The following MYLK variants were observed in gnomAD, a reference collection of about 807,000 sequenced individuals.
The protein encoded by MYLK is myosin light chain kinase, smooth muscle.
A neutral mutation model predicts 203.4 loss-of-function variants in MYLK; 106 were observed. The observed-to-expected ratio is 0.52, with a 90% CI of 0.45 to 0.61. The LOEUF is 0.61. Ranked by LOEUF, MYLK falls within the 20% of genes least tolerant of loss-of-function variation. MYLK has a pLI of 0.00. For missense variants in MYLK, 2,072 were observed against 2,442.3 expected (o/e 0.85, Z 3.20); for synonymous variants, 867 against 959.5 (o/e 0.90, Z 1.78).
At chr3:123,781,084 C>T (rs2064279765) in intron 4 of MYLK, among the ~76,000 whole-genome samples, 1 of 152,152 alleles carries the variant, frequency 6.6e-6, no homozygotes, top group African/African-American at 2.4e-5. Flanking sequence ...GAGGCAAATC[C>T]CGGGACCTGC....
At chr3:123,713,980 G>A (rs139456537) in intron 13 of MYLK, among the ~76,000 whole-genome samples, 1 of 152,114 alleles carries the variant, frequency 6.6e-6, no homozygotes, top group Admixed American at 6.6e-5. Flanking sequence ...AATGTTTTCT[G>A]ACTTTCCCAA....
At chr3:123,863,851 T>A (rs2032118599) in intron 2 of MYLK, among the ~76,000 whole-genome samples, 1 of 152,146 alleles carries the variant, frequency 6.6e-6, no homozygotes, top group Non-Finnish European at 1.5e-5. Context: ...CTCCTAGATA[T>A]TTACCCAAGA....
In MYLK at chr3:123,700,851, G is replaced by A. The variant is rs1466712472; in HGVS notation, c.2617C>T (p.Leu873=). The change falls in exon 18 of 34, where the codon CTG becomes TTG. Residue 873 remains leucine (L), a synonymous_variant. Coordinates refer to ENST00000360304, the MANE Select transcript of MYLK (RefSeq NM_053025.4). ...EEDGEDVRGV[L]KRRVETRQHT... is the part of the protein sequence containing the mutation. ...TGCCTCGTCTCCACGCGCCTCTTCAGCACCCCTCGCACGTCCTCGCCGTCT... is the reference window on the plus strand; with the variant it reads ...TGCCTCGTCTCCACGCGCCTCTTCAACACCCCTCGCACGTCCTCGCCGTCT... 6.2e-7 allele frequency: 1 copy of A among 1,613,788 alleles called. No homozygotes were observed. The highest frequency in any genetic ancestry group is 8.5e-7 in the Non-Finnish European group (1 of 1,180,028).
chr3:123,779,832 C>G (rs1188792488), intron 4 of MYLK, among the ~76,000 whole-genome samples: 1 of 152,164 alleles, frequency 6.6e-6, no homozygotes, highest in Non-Finnish European at 1.5e-5. Flanking sequence ...TGTGTGACAT[C>G]AGAACACACT....
intron 12 of MYLK, among the ~76,000 whole-genome samples, chr3:123,725,605 T>C (rs1375866462): frequency 6.6e-6 from 1 of 152,194 alleles, no homozygotes; most frequent in African/African-American, 2.4e-5. Context: ...AGTTTGGCCA[T>C]AAGAAAAGAA....
intron 20 of MYLK, among the ~76,000 whole-genome samples, chr3:123,672,373 C>T (rs191925504): frequency 6.6e-5 from 10 of 152,254 alleles, no homozygotes; most frequent in African/African-American, 2.4e-4. Context: ...CGATCTTGGA[C>T]TTCTAGCCTC....
chr3:123,824,493 G>T (rs1052720353), intron 3 of MYLK, among the ~76,000 whole-genome samples: 1 of 152,162 alleles, frequency 6.6e-6, no homozygotes. Context: ...CATTCAAAGA[G>T]CACTTGTTAA....
chr3:123,837,038 C>CA (rs922244363), intron 2 of MYLK, among the ~76,000 whole-genome samples: 14 of 152,062 alleles, frequency 9.2e-5, no homozygotes, highest in African/African-American at 2.7e-4. Context: ...GTTATAGTAA[C>CA]ATTTCTTTTT....
At chr3:123,684,861 C>A (rs186313445) in intron 19 of MYLK, among the ~76,000 whole-genome samples, 5 of 152,330 alleles carry the variant, frequency 3.3e-5, no homozygotes, top group Admixed American at 3.3e-4. Flanking sequence ...GAGTACAGGG[C>A]AGACTATGTA....
At chr3:123,630,246 G>C (rs1262708974) in intron 29 of MYLK, among the ~76,000 whole-genome samples, 1 of 152,218 alleles carries the variant, frequency 6.6e-6, no homozygotes, top group Non-Finnish European at 1.5e-5. Flanking sequence ...ACAGAGTGCA[G>C]CCTCTCCGCT....
chr3:123,858,673 A>G (rs972987865), intron 2 of MYLK, among the ~76,000 whole-genome samples: 1 of 152,024 alleles, frequency 6.6e-6, no homozygotes, highest in South Asian at 2.1e-4. Flanking sequence ...CTATTCATTA[A>G]CCTATTAATC....
chr3:123,620,601 A>G, intron 31 of MYLK: 1 of 1,261,964 alleles, frequency 7.9e-7, no homozygotes, highest in East Asian at 3.7e-5. Flanking sequence ...TCAACATGAG[A>G]CAAAAACCCT....
At chr3:123,655,382 T>C (rs2108260785) in intron 24 of MYLK, among the ~76,000 whole-genome samples, 1 of 152,298 alleles carries the variant, frequency 6.6e-6, no homozygotes, top group South Asian at 2.1e-4. Context: ...TGGTATTGAC[T>C]TTCTCTACCA....
chr3:123,649,303 G>T, intron 24 of MYLK, 109 bp from the exon 25 acceptor site: 1 of 1,419,086 alleles, frequency 7.0e-7, no homozygotes, highest in Non-Finnish European at 9.8e-7. Context: ...TCCCCAGGCA[G>T]ACGACTACCA....
chr3:123,754,515 C>A (rs2063303028), intron 4 of MYLK, among the ~76,000 whole-genome samples: 1 of 152,180 alleles, frequency 6.6e-6, no homozygotes, highest in African/African-American at 2.4e-5. Context: ...TCCCCAAAAG[C>A]CATGTGAACA....
intron 19 of MYLK, 136 bp from the exon 20 acceptor site, chr3:123,682,446 C>T (rs1289017252): frequency 8.2e-6 from 6 of 731,980 alleles, no homozygotes; most frequent in African/African-American, 3.5e-5. Context: ...GGCAGAACAG[C>T]GCCTGTGTCC....
chr3:123,682,678 G>A (rs1656265481), intron 19 of MYLK, among the ~76,000 whole-genome samples: 1 of 152,198 alleles, frequency 6.6e-6, no homozygotes, highest in Admixed American at 6.5e-5. Context: ...CCTCATGCTA[G>A]AAATCTTGGG....
At chr3:123,734,965 G>A (rs541361239) in intron 9 of MYLK, 8 of 276,508 alleles carry the variant, frequency 2.9e-5, no homozygotes, top group East Asian at 1.6e-4. Flanking sequence ...ATGTGCGTTC[G>A]TGTGGTTTAA....
chr3:123,848,881 C>A (rs991535757), intron 2 of MYLK, among the ~76,000 whole-genome samples: 1 of 152,126 alleles, frequency 6.6e-6, no homozygotes, highest in African/African-American at 2.4e-5. Flanking sequence ...ATGTTAAACC[C>A]CTAGGTCATT....
Sources: gnomAD v4.1 joint callset for allele counts (sites outside exome capture counted in the v4.1 genomes callset) on GRCh38, gnomAD v4.1.1 for gene constraint, MANE v1.5 for transcripts, NCBI Gene and HGNC (gene_info 2026-07-23, HGNC 2026-07-21) for gene names.